The following ARL17A variants were observed in gnomAD, a reference collection of about 807,000 sequenced individuals.
The protein encoded by ARL17A is ADP-ribosylation factor-like 17-like.
rs1301243310 is a variant in ARL17A, at chr17:46,534,791, C to A, written c.335+3560G>T. Reference sequence around the variant, plus strand: ...GGGCAGCCGGGCAGAGGCGCCCCCCCACCTCCCGGAGGGGGCGGCTGGCCA... The same window carrying A: ...GGGCAGCCGGGCAGAGGCGCCCCCCAACCTCCCGGAGGGGGCGGCTGGCCA... On this transcript the variant is annotated intron_variant, in intron 4 of 4. Coordinates refer to the ARL17A transcript ENST00000329240. Among the ~76,000 whole-genome samples, 4 of 147,314 alleles carry A rather than the reference C, an allele frequency of 2.7e-5. No homozygotes were observed. The East Asian group carries it at 5.9e-4, about 22-fold the overall frequency.
rs974701475 is a variant in ARL17A, at chr17:46,521,174, T to G, written c.260-3941A>C. The stretch of plus-strand genomic sequence containing the variant: ...AGGGATCCCTGTATTTCTGTCTGTT[T>G]AGAGACAAGAAGATACTATGTTCAT... On this transcript the variant is annotated intron_variant, in intron 3 of 4. Coordinates refer to the ARL17A transcript ENST00000445552. 1.4e-4 allele frequency among the ~76,000 whole-genome samples: 10 copies of G among 70,244 alleles called. 3 individuals are homozygous for G. Among genetic ancestry groups the G allele is most frequent in the African/African-American group, 4.5e-4 (10 of 22,430 alleles). The allele number at this position is 70,244 out of a possible 152,430, so 46.1% of individuals were successfully genotyped here.
chr17:46,534,405 G>A lies in ARL17A; in HGVS notation c.335+3946C>T, dbSNP rs973488742. On this transcript the variant is annotated intron_variant, in intron 4 of 4. Coordinates refer to the ARL17A transcript ENST00000329240. ...TTAGGGAGTGGTGATGACTCTTAAC[G>A]AGCATGCTGCTTTCAAGCATCTGTT... Among the ~76,000 whole-genome samples, 14 of 147,278 alleles carry A rather than the reference G, an allele frequency of 9.5e-5. 1 individual carries two copies. The highest frequency in any genetic ancestry group is 3.1e-4 in the African/African-American group (12 of 38,448).
chr17:46,516,137 A>G (rs1222134230), downstream of ARL17A, among the ~76,000 whole-genome samples: 3 of 148,780 alleles, frequency 2.0e-5, no homozygotes, highest in African/African-American at 7.6e-5. Flanking sequence ...CATCTCTACT[A>G]AAAATACAGA....
chr17:46,537,077 ATTTTTTTTTT>A (rs766255014), intron 4 of ARL17A, among the ~76,000 whole-genome samples: 23,876 of 34,902 alleles, frequency 0.68, 8,666 homozygotes, highest in South Asian at 0.89. Context: ...ATTGTGGTCA[ATTTTTTTTTT>A]TTTTTTTTTT....
intron 3 of ARL17A, among the ~76,000 whole-genome samples, chr17:46,543,415 T>C (rs62073327): frequency 0.1 from 14,000 of 139,818 alleles, no homozygotes; most frequent in Middle Eastern, 0.17. Flanking sequence ...AATCATGTAC[T>C]AAGTGTAATG....
At chr17:46,516,496 TAGG>T (rs1318622884), downstream of ARL17A, among the ~76,000 whole-genome samples, 2 of 143,682 alleles carry the variant, frequency 1.4e-5, no homozygotes, top group East Asian at 4.1e-4. Flanking sequence ...ATTTGTTAAA[TAGG>T]AGAAAAATGG....
intron 3 of ARL17A, among the ~76,000 whole-genome samples, chr17:46,541,942 G>C (rs1402063038): frequency 7.0e-6 from 1 of 142,716 alleles, no homozygotes; most frequent in Non-Finnish European, 1.5e-5. Context: ...TATTCCGGTT[G>C]TGTGGAAATG....
downstream of ARL17A, chr17:46,549,140 G>A (rs1168922267): frequency 4.3e-6 from 7 of 1,611,486 alleles, 1 homozygote; most frequent in African/African-American, 6.8e-5. Context: ...AGTTATCTGA[G>A]TAGACTGATG....
In ARL17A at chr17:46,555,611, C is replaced by T. The variant is rs2145942107; in HGVS notation, c.*1745G>A. ...AACACAGCCCACCTCAGGCCTCCTG[C>T]AAAAATACATAGAATAAACAACAAC... On this transcript the variant is annotated 3_prime_UTR_variant, in exon 4 of 4. Transcript: ENST00000336125. 1.4e-6 allele frequency: 1 copy of T among 701,238 alleles called. No homozygotes were observed. Among genetic ancestry groups the T allele is most frequent in the Non-Finnish European group, 2.0e-6 (1 of 493,412 alleles). The allele number at this position is 701,238 out of a possible 1,614,324, so 43.4% of individuals were successfully genotyped here.
chr17:46,558,186 A>T (rs2057387072), intron 3 of ARL17A, among the ~76,000 whole-genome samples: 1 of 108,314 alleles, frequency 9.2e-6, no homozygotes, highest in Non-Finnish European at 1.8e-5. Context: ...CAGCCTCCCT[A>T]GTAGCTGGGG....
chr17:46,501,401 C>G, the ARL17A span, among the ~76,000 whole-genome samples: 1 of 151,178 alleles, frequency 6.6e-6, no homozygotes, highest in Non-Finnish European at 1.5e-5. Flanking sequence ...TCTTGAACTC[C>G]TGACCTCAAA....
chr17:46,558,307 G>A (rs1229348704), intron 3 of ARL17A, among the ~76,000 whole-genome samples: 3 of 109,396 alleles, frequency 2.7e-5, no homozygotes, highest in African/African-American at 4.0e-5. Flanking sequence ...TAATCCACCC[G>A]CCCTGGCCTC....
chr17:46,560,233 C>T (rs2145998406), intron 3 of ARL17A: 1 of 3,330 alleles, frequency 3.0e-4, no homozygotes, highest in South Asian at 7.2e-3. Flanking sequence ...GCATTTTAGG[C>T]CATTCCTTCA....
Position 46,553,279 on chromosome 17 carries a change from T to G in ARL17A, c.*4077A>C. The G allele has an allele frequency of 1.3e-6, 2 of 1,501,650 alleles. No individual in the cohort carries two copies. Among genetic ancestry groups the G allele is most frequent in the South Asian group, 2.5e-5 (2 of 80,764 alleles). The allele number at this position is 1,501,650 out of a possible 1,614,324, so 93.0% of individuals were successfully genotyped here. A position where few individuals can be genotyped will look rare whatever the true frequency, so the allele number is the denominator to read the frequency against. ...AGTGTTACACAGCATACAATTCCTG[T>G]CTTCAAAAAAGTTACCTCATCAGGT... is the stretch of plus-strand genomic sequence containing the variant. On this transcript the variant is annotated 3_prime_UTR_variant, in exon 4 of 4. Transcript: ENST00000336125.
chr17:46,533,745 T>A (rs2054105298), intron 4 of ARL17A, among the ~76,000 whole-genome samples: 1 of 90,126 alleles, frequency 1.1e-5, no homozygotes, highest in East Asian at 3.0e-4. Flanking sequence ...CAAGTGATCC[T>A]CCAGCCTCAG....
intron 3 of ARL17A, among the ~76,000 whole-genome samples, chr17:46,545,957 C>T (rs1459211082): frequency 6.9e-6 from 1 of 145,332 alleles, no homozygotes; most frequent in East Asian, 2.1e-4. Context: ...TCTGTACTTT[C>T]AGCCCAAAGT....
chr17:46,548,826 C>T (rs376097433), downstream of ARL17A: 395 of 1,612,114 alleles, frequency 2.5e-4, 1 homozygote, highest in Non-Finnish European at 3.1e-4. Flanking sequence ...TAGCGGGAAA[C>T]GCCGTCTACA....
At chr17:46,516,284 CAG>C (rs1422400514), downstream of ARL17A, among the ~76,000 whole-genome samples, 2 of 111,932 alleles carry the variant, frequency 1.8e-5, no homozygotes, top group African/African-American at 6.2e-5. Context: ...GCCTGGGCGA[CAG>C]AGCAAGACTC....
intron 3 of ARL17A, among the ~76,000 whole-genome samples, chr17:46,539,490 CAG>C (rs2054875374): frequency 6.6e-6 from 1 of 151,398 alleles, no homozygotes; most frequent in African/African-American, 2.4e-5. Context: ...CAGCCAGCCG[CAG>C]TGGCTCATGC....
Sources: gnomAD v4.1 joint callset for allele counts (sites outside exome capture counted in the v4.1 genomes callset) on GRCh38, gnomAD v4.1.1 for gene constraint, MANE v1.5 for transcripts, NCBI Gene and HGNC (gene_info 2026-07-23, HGNC 2026-07-21) for gene names.